Variants in VAV3 observed in about 807,000 individuals in gnomAD.
VAV3 encodes the protein vav guanine nucleotide exchange factor 3, also known as guanine nucleotide exchange factor VAV3.
In VAV3, 94 loss-of-function variants were observed where a neutral mutation model predicts 131.2. The ratio of observed to expected loss-of-function variants is 0.72; its 90% CI spans 0.61 to 0.85. The LOEUF is 0.85. VAV3 is among the 40% of genes least tolerant of loss of function. VAV3 has a pLI of 0.00. For synonymous variants in VAV3, 349 were observed against 342.0 expected, an observed-to-expected ratio of 1.02 and a Z score of -0.22; for missense variants, 939 against 1,002.7, an observed-to-expected ratio of 0.94 and a Z score of 0.86.
intron 17 of VAV3, among the ~76,000 whole-genome samples, chr1:107,702,276 A>G (rs1282953108): frequency 6.6e-6 from 1 of 152,138 alleles, no homozygotes; most frequent in Non-Finnish European, 1.5e-5. Flanking sequence ...ATGAGAACTC[A>G]CTCACTATCA....
At position 107,690,335 on chromosome 1, in the gene VAV3, C is replaced by T. The variant is rs1035854735; in HGVS notation, c.1706-1929G>A. 5.3e-5 allele frequency among the ~76,000 whole-genome samples: 8 copies of T among 152,050 alleles called. No homozygotes were observed. The East Asian group carries it at 7.7e-4, about 15-fold the overall frequency. On this transcript the variant is annotated intron_variant, in intron 17 of 26. Transcript: ENST00000370056. ...CAGGAAGAGGAAACAATGGTATTTA[C>T]GGTGGTCAAGTAGCTACGGAGACAC...
chr1:107,839,653 G>A (rs1056471725), intron 2 of VAV3, among the ~76,000 whole-genome samples: 3 of 151,916 alleles, frequency 2.0e-5, no homozygotes, highest in Admixed American at 2.0e-4. Context: ...AGAGCAGACA[G>A]AATAAAAGAA....
chr1:107,779,289 G>T, intron 3 of VAV3, 145 bp downstream of exon 3: 3 of 533,914 alleles, frequency 5.6e-6, no homozygotes, highest in East Asian at 3.6e-5. Context: ...AATTTCAAAC[G>T]TGTACGGGAT....
intron 15 of VAV3, among the ~76,000 whole-genome samples, chr1:107,740,912 C>T (rs1478178338): frequency 1.3e-5 from 2 of 152,340 alleles, no homozygotes; most frequent in East Asian, 3.9e-4. Flanking sequence ...CTCTGGCCCC[C>T]TACAACAAAA....
chr1:107,578,988 T>C (rs757315380), intron 25 of VAV3: 33 of 850,350 alleles, frequency 3.9e-5, no homozygotes, highest in Non-Finnish European at 4.5e-5. Context: ...CTATCTGTAA[T>C]CTTAAAATAT....
At chr1:107,697,196 G>C (rs1239587685) in intron 17 of VAV3, among the ~76,000 whole-genome samples, 1 of 152,160 alleles carries the variant, frequency 6.6e-6, no homozygotes, top group African/African-American at 2.4e-5. Flanking sequence ...GAATGATACA[G>C]AGATTCTTCT....
intron 15 of VAV3, among the ~76,000 whole-genome samples, chr1:107,727,483 A>T (rs907173540): frequency 5.3e-5 from 8 of 152,254 alleles, no homozygotes; most frequent in African/African-American, 1.9e-4. Context: ...TTTAACCTCC[A>T]AACACCTTTA....
chr1:107,872,651 G>A (rs969229346), intron 2 of VAV3, among the ~76,000 whole-genome samples: 3 of 152,106 alleles, frequency 2.0e-5, no homozygotes, highest in Non-Finnish European at 2.9e-5. Flanking sequence ...TCCACATGTT[G>A]GGATTGATGC....
intron 2 of VAV3, among the ~76,000 whole-genome samples, chr1:107,857,237 A>G (rs1669518800): frequency 6.6e-6 from 1 of 152,114 alleles, no homozygotes; most frequent in Non-Finnish European, 1.5e-5. Flanking sequence ...AAAAGGCTAC[A>G]CTGGCTTAGC....
At position 107,748,949 on chromosome 1, in the gene VAV3, TA is replaced by T; in HGVS notation, c.1502+18del. The T allele has an allele frequency of 6.5e-7, 1 of 1,538,404 alleles. No homozygotes were observed. Among genetic ancestry groups the T allele is most frequent in the Non-Finnish European group, 8.9e-7 (1 of 1,128,950 alleles). ...TAACTAGTAAAAATAAAAGCACTTT[TA>T]AAAATAGAAATACTCACAAAGCCAT... On this transcript the variant is annotated intron_variant, in intron 15 of 26. Coordinates refer to ENST00000370056, the MANE Select transcript of VAV3 (RefSeq NM_006113.5).
intron 18 of VAV3, chr1:107,685,654 T>C (rs1658963929): frequency 6.6e-6 from 1 of 152,068 alleles, no homozygotes; most frequent in African/African-American, 2.4e-5. Context: ...TCGGAGGAAT[T>C]TTCACGCCCC....
chr1:107,749,279 G>C (rs538917896), intron 14 of VAV3, among the ~76,000 whole-genome samples, 183 bp downstream of exon 14: 49 of 152,232 alleles, frequency 3.2e-4, no homozygotes, highest in African/African-American at 1.1e-3. Flanking sequence ...TAGGGCATTA[G>C]AAATGATCAG....
At chr1:107,700,005 T>A (rs1165375502) in intron 17 of VAV3, among the ~76,000 whole-genome samples, 2 of 152,190 alleles carry the variant, frequency 1.3e-5, no homozygotes, top group Admixed American at 1.3e-4. Flanking sequence ...AAAATCCACC[T>A]TCAGTTCTTT....
intron 2 of VAV3, among the ~76,000 whole-genome samples, chr1:107,871,101 A>G (rs1366528734): frequency 2.0e-5 from 3 of 152,206 alleles, no homozygotes; most frequent in Non-Finnish European, 4.4e-5. Context: ...CTTTACATAC[A>G]GTACGGAAAC....
intron 19 of VAV3, among the ~76,000 whole-genome samples, chr1:107,660,409 C>T (rs956731284): frequency 6.6e-6 from 1 of 152,174 alleles, no homozygotes; most frequent in African/African-American, 2.4e-5. Flanking sequence ...AACAAGGTAA[C>T]TAGAAAAGAA....
chr1:107,606,662 A>G (rs1652290865), intron 22 of VAV3, among the ~76,000 whole-genome samples: 1 of 152,042 alleles, frequency 6.6e-6, no homozygotes, highest in Non-Finnish European at 1.5e-5. Flanking sequence ...CTTCTATAAT[A>G]TTTAACTTAT....
At chr1:107,818,873 A>G (rs1284075235) in intron 2 of VAV3, among the ~76,000 whole-genome samples, 1 of 152,196 alleles carries the variant, frequency 6.6e-6, no homozygotes, top group Non-Finnish European at 1.5e-5. Context: ...ATTTAAAAAC[A>G]TAACATTATA....
intron 20 of VAV3, among the ~76,000 whole-genome samples, chr1:107,624,522 GGAAA>G (rs1345005678): frequency 6.6e-6 from 1 of 151,632 alleles, no homozygotes; most frequent in Non-Finnish European, 1.5e-5. Context: ...TACAAAATCT[GGAAA>G]GAATCAGGTT....
At chr1:107,836,553 GAAGAA>G (rs1668486550) in intron 2 of VAV3, among the ~76,000 whole-genome samples, 1 of 152,014 alleles carries the variant, frequency 6.6e-6, no homozygotes, top group Non-Finnish European at 1.5e-5. Flanking sequence ...AAAACTAGCA[GAAGAA>G]AAGAAATAAA....
Sources: allele counts gnomAD v4.1 joint callset (sites outside exome capture counted in the v4.1 genomes callset), GRCh38; gene constraint gnomAD v4.1.1; transcripts MANE v1.5; gene names NCBI Gene and HGNC (gene_info 2026-07-23, HGNC 2026-07-21).